ANKRD13A: variants seen among roughly 807,000 people sequenced by gnomAD.
The protein encoded by ANKRD13A is ankyrin repeat domain-containing protein 13A.
In ANKRD13A, 48 loss-of-function variants were observed where a neutral mutation model predicts 81.3. The ratio of observed to expected loss-of-function variants is 0.59; its 90% CI spans 0.47 to 0.75. ANKRD13A has a LOEUF of 0.75. ANKRD13A is among the 30% of genes least tolerant of loss of function. The probability of loss-of-function intolerance (pLI) is 0.00; values close to 1 mark genes in which losing one functional copy is unlikely to be tolerated. For missense variants in ANKRD13A, 612 were observed against 734.0 expected, an observed-to-expected ratio of 0.83 and a Z score of 1.92; for synonymous variants, 230 against 270.1, an observed-to-expected ratio of 0.85 and a Z score of 1.45.
At position 110,018,833 on chromosome 12, in the gene ANKRD13A, C is replaced by G. The variant is rs139588972; in HGVS notation, c.545-306C>G. ...ACCCAATGTTGTGCATACATAATTT[C>G]TGTGAATTCTGTAATAATATATTTT... On this transcript the variant is annotated intron_variant, in intron 5 of 14. Transcript: ENST00000261739. The surrounding 1 kb of genome is among the most constrained non-coding windows in gnomAD (Gnocchi z 4.4). Among the ~76,000 whole-genome samples, 250 of 152,276 alleles carry G rather than the reference C, an allele frequency of 1.6e-3. No homozygotes were observed. Among genetic ancestry groups the G allele is most frequent in the African/African-American group, 5.8e-3 (239 of 41,538 alleles).
chr12:110,033,912 G>C lies in ANKRD13A; in HGVS notation c.1464G>C (p.Met488Ile). 6.2e-7 allele frequency: 1 copy of C among 1,612,416 alleles called. No homozygotes were observed. Among genetic ancestry groups the C allele is most frequent in the East Asian group, 2.2e-5 (1 of 44,744 alleles). ...TGCAAGATGAAGATTACGAGATAAT[G>C]CAGTTTGCCATCCAGCAAAGTCTGC... Reference protein sequence around the residue: ...VHLQDEDYEIMQFAIQQSLLE... With the variant: ...VHLQDEDYEIIQFAIQQSLLE... Residue 488 changes from methionine to isoleucine, a missense_variant, in exon 13 of 15, where the codon ATG (methionine) becomes ATC (isoleucine). Physicochemically the swap from Met to Ile is conservative, Grantham distance 10 (BLOSUM62 1). Transcript: ENST00000261739.
intron 1 of ANKRD13A, among the ~76,000 whole-genome samples, chr12:110,004,861 T>A (rs531264778): frequency 6.6e-6 from 1 of 152,286 alleles, no homozygotes; most frequent in East Asian, 1.9e-4. Context: ...TTAAGGACTT[T>A]CCCCTTGTAA....
intron 10 of ANKRD13A, chr12:110,029,038 C>T: frequency 5.6e-6 from 1 of 179,000 alleles, no homozygotes; most frequent in South Asian, 1.2e-4. Flanking sequence ...GCCCAGCCTC[C>T]TCTGCCCCTT....
At chr12:110,030,861 G>A (rs12810908) in intron 12 of ANKRD13A, 103 bp downstream of exon 12, 29 of 516,766 alleles carry the variant, frequency 5.6e-5, no homozygotes, top group East Asian at 2.8e-4. Flanking sequence ...TTGGGAGGCC[G>A]AGGTGGGTGG....
chr12:110,030,663 T>G lies in ANKRD13A; in HGVS notation c.1253T>G (p.Val418Gly). The G allele has an allele frequency of 6.2e-7, 1 of 1,601,704 alleles. No homozygotes were observed. Among genetic ancestry groups the G allele is most frequent in the Non-Finnish European group, 8.5e-7 (1 of 1,174,358 alleles). Reference sequence around the variant, plus strand: ...TTGTTAGAAATTCCCTTGTTTCATGTCTTAAATGCACGGATTACATTTGGA... The same window carrying G: ...TTGTTAGAAATTCCCTTGTTTCATGGCTTAAATGCACGGATTACATTTGGA... ...PVKIEIPLFH[V>G]LNARITFGNV... The change falls in exon 12 of 15, where the codon GTC becomes GGC. Residue 418 changes from valine (V) to glycine (G), a missense_variant. By Grantham distance (109) the Val-to-Gly change is moderately radical (BLOSUM62 -3). Coordinates refer to ENST00000261739, the MANE Select transcript of ANKRD13A (RefSeq NM_033121.2).
rs1889863962 is a variant in ANKRD13A at position 109,999,968 on chromosome 12, T to A, written c.96+184T>A. Among the ~76,000 whole-genome samples, 1 of 152,196 alleles carries A rather than the reference T, an allele frequency of 6.6e-6. No homozygotes were observed. The highest frequency in any genetic ancestry group is 2.4e-5 in the African/African-American group (1 of 41,458). On this transcript the variant is annotated intron_variant, in intron 1 of 14. Coordinates refer to ENST00000261739, the MANE Select transcript of ANKRD13A (RefSeq NM_033121.2). The surrounding 1 kb of genome is among the most constrained non-coding windows in gnomAD (Gnocchi z 4.3). ...AGTGCTTACCGTGCGACGGGCTTTTTAAATATCTTCTCTCTTCACCTTTCC... is the reference window on the plus strand; with the variant it reads ...AGTGCTTACCGTGCGACGGGCTTTTAAAATATCTTCTCTCTTCACCTTTCC...
Position 110,037,606 on chromosome 12 carries a change from G to C in ANKRD13A, c.*52G>C, listed in dbSNP as rs764280908. The C allele has an allele frequency of 1.9e-6, 3 of 1,568,242 alleles. No homozygotes were observed. Among genetic ancestry groups the C allele is most frequent in the Middle Eastern group, 2.3e-4 (1 of 4,330 alleles). ...AAAGCAGAGGCTGTGGGCTGTCACAGATGCTGTGTCAACCAGGGCCCTAGG... is the reference window on the plus strand; with the variant it reads ...AAAGCAGAGGCTGTGGGCTGTCACACATGCTGTGTCAACCAGGGCCCTAGG... On this transcript the variant is annotated 3_prime_UTR_variant, in exon 15 of 15. Coordinates refer to ENST00000261739, the MANE Select transcript of ANKRD13A (RefSeq NM_033121.2).
At chr12:110,000,503 T>C (rs1392952030) in intron 1 of ANKRD13A, among the ~76,000 whole-genome samples, 1 of 152,186 alleles carries the variant, frequency 6.6e-6, no homozygotes, top group Non-Finnish European at 1.5e-5. Flanking sequence ...TCATTATTGC[T>C]ATCTCTTTAA....
Position 110,030,767 on chromosome 12 carries a change from AT to A in ANKRD13A, c.1348+10del. The A allele has an allele frequency of 6.5e-7, 1 of 1,543,828 alleles. No homozygotes were observed. The highest frequency in any genetic ancestry group is 8.8e-7 in the Non-Finnish European group (1 of 1,137,590). ...GACCCAGGCTGATTCAGGTAAAAAA[AT>A]AAATAAATACAAAGTTTAGTTTTGT... is the stretch of plus-strand genomic sequence containing the variant. On this transcript the variant is annotated intron_variant, in intron 12 of 14. Coordinates refer to ENST00000261739, the MANE Select transcript of ANKRD13A (RefSeq NM_033121.2).
chr12:110,017,820 T>C (rs2137122141), intron 4 of ANKRD13A, among the ~76,000 whole-genome samples: 1 of 152,068 alleles, frequency 6.6e-6, no homozygotes, highest in Admixed American at 6.5e-5. Context: ...TAATCCCAGC[T>C]ACTCGGGAAG....
intron 4 of ANKRD13A, among the ~76,000 whole-genome samples, chr12:110,016,643 A>G (rs571298281): frequency 1.3e-5 from 2 of 152,350 alleles, no homozygotes; most frequent in African/African-American, 4.8e-5. Flanking sequence ...CCCGCCATGC[A>G]TAGGACTTTT....
At chr12:110,024,605 T>A (rs986460106) in intron 7 of ANKRD13A, among the ~76,000 whole-genome samples, 25 of 152,368 alleles carry the variant, frequency 1.6e-4, no homozygotes, top group African/African-American at 6.0e-4. Flanking sequence ...TGGCATTTTG[T>A]CAGCTGGAAA....
chr12:110,006,388 G>T (rs1040656652), intron 1 of ANKRD13A, among the ~76,000 whole-genome samples: 3 of 152,030 alleles, frequency 2.0e-5, no homozygotes, highest in Non-Finnish European at 4.4e-5. Flanking sequence ...GTTTTGATTC[G>T]CATTTCTCTT....
rs9630308 is a variant in ANKRD13A at position 110,037,630 on chromosome 12, G to A, written c.*76G>A. Reference sequence around the variant, plus strand: ...AGATGCTGTGTCAACCAGGGCCCTAGGGCTAAGGGCCTGCACCTTGCGTGC... The same window carrying A: ...AGATGCTGTGTCAACCAGGGCCCTAAGGCTAAGGGCCTGCACCTTGCGTGC... On this transcript the variant is annotated 3_prime_UTR_variant, in exon 15 of 15. Coordinates refer to ENST00000261739, the MANE Select transcript of ANKRD13A (RefSeq NM_033121.2). 1.3e-5 allele frequency: 19 copies of A among 1,459,512 alleles called. No homozygotes were observed. Among genetic ancestry groups the A allele is most frequent in the Admixed American group, 2.1e-5 (1 of 48,474 alleles). 90.4% of individuals were successfully genotyped at this position (1,459,512 alleles called of 1,614,324 possible).
Position 110,037,538 on chromosome 12 carries a change from C to G in ANKRD13A, c.1757C>G (p.Ser586Ter). The change falls in exon 15 of 15, where the codon TCA becomes TGA. Residue 586 changes from serine (S) to a stop codon, truncating the protein, a stop_gained. Transcript: ENST00000261739. LOFTEE classifies it high-confidence loss of function. ...EAELQQVLQL[S>*]LTDK Reference sequence around the variant, plus strand: ...GAGCTCCAGCAAGTCTTACAGCTGTCACTCACTGACAAATAGACCTTTCAG... The same window carrying G: ...GAGCTCCAGCAAGTCTTACAGCTGTGACTCACTGACAAATAGACCTTTCAG... The G allele has an allele frequency of 6.2e-7, 1 of 1,613,442 alleles. No individual in the cohort carries two copies. The highest frequency in any genetic ancestry group is 1.1e-5 in the South Asian group (1 of 91,012).
In ANKRD13A at chr12:110,014,940, C is replaced by T. The variant is rs923401376; in HGVS notation, c.355-1448C>T. 1.2e-4 allele frequency among the ~76,000 whole-genome samples: 18 copies of T among 151,948 alleles called. No individual in the cohort carries two copies. The East Asian group carries it at 1.9e-3, about 16-fold the overall frequency. On this transcript the variant is annotated intron_variant, in intron 3 of 14. Coordinates refer to ENST00000261739, the MANE Select transcript of ANKRD13A (RefSeq NM_033121.2). Reference sequence around the variant, plus strand: ...CTGGGACTACAGGCGCCCACCACCGCGCCCGGCTAATTTTTTTTTTTGTAT... The same window carrying T: ...CTGGGACTACAGGCGCCCACCACCGTGCCCGGCTAATTTTTTTTTTTGTAT...
At chr12:110,019,031 C>T (rs1295132874) in intron 5 of ANKRD13A, 108 bp from the exon 6 acceptor site, 16 of 1,191,108 alleles carry the variant, frequency 1.3e-5, no homozygotes, top group Non-Finnish European at 1.2e-5. Flanking sequence ...TACCAGATAG[C>T]ACCTGGGAGG....
chr12:110,009,773 A>G (rs1290432191), intron 1 of ANKRD13A, among the ~76,000 whole-genome samples: 2 of 152,206 alleles, frequency 1.3e-5, no homozygotes, highest in African/African-American at 4.8e-5. Flanking sequence ...TCCGAAGTAG[A>G]AAAAAAGTTA....
At chr12:110,010,638 C>T (rs746075981) in intron 1 of ANKRD13A, among the ~76,000 whole-genome samples, 4 of 152,264 alleles carry the variant, frequency 2.6e-5, no homozygotes, top group Admixed American at 6.5e-5. Flanking sequence ...ATTTTAGCAC[C>T]GGGGGAACAC....
Sources: allele counts gnomAD v4.1 joint callset (sites outside exome capture counted in the v4.1 genomes callset), GRCh38; gene constraint gnomAD v4.1.1; non-coding constraint Gnocchi (gnomAD v3.1); transcripts MANE v1.5; gene names NCBI Gene and HGNC (gene_info 2026-07-23, HGNC 2026-07-21).